The following WASL variants were observed in gnomAD, a reference collection of about 807,000 sequenced individuals.
WASL encodes the protein WASP like actin nucleation promoting factor.
Under a neutral mutation model 55.5 loss-of-function variants are expected in WASL, and 20 were observed. That is an observed-to-expected ratio of 0.36 (90% CI 0.25 to 0.52). The LOEUF (loss-of-function observed/expected upper bound fraction) is 0.52, where lower values mean the gene tolerates loss of function less well. WASL is among the 20% of genes least tolerant of loss of function. The pLI, the probability that WASL is intolerant of heterozygous loss-of-function variation, is 0.92. For missense variants in WASL, 504 were observed against 622.5 expected (o/e 0.81, Z 2.03); for synonymous variants, 249 against 217.6 (o/e 1.14, Z -1.27).
intron 1 of WASL, among the ~76,000 whole-genome samples, chr7:123,715,010 T>G (rs1460315092): frequency 6.6e-6 from 1 of 152,094 alleles, no homozygotes; most frequent in Non-Finnish European, 1.5e-5. Context: ...AAGAGTGGCA[T>G]GGATTGAAGA....
Position 123,726,365 on chromosome 7 carries a change from T to C in WASL, c.118-17142A>G, listed in dbSNP as rs146408572. Among the ~76,000 whole-genome samples, 244 of 152,286 alleles carry C rather than the reference T, an allele frequency of 1.6e-3. 3 individuals carry two copies. The highest frequency in any genetic ancestry group is 0.01 in the Middle Eastern group (3 of 294). ...CTCATATGACCTTTTTTGCACTTTATATAACACAAAAAATTTGAGATGGAT... is the reference window on the plus strand; with the variant it reads ...CTCATATGACCTTTTTTGCACTTTACATAACACAAAAAATTTGAGATGGAT... On this transcript the variant is annotated intron_variant, in intron 1 of 10. Transcript: ENST00000223023.
rs914985832 is a variant in WASL at position 123,748,483 on chromosome 7, C to G, written c.117+135G>C. ...CAGGGCGAGGGCGCCGACGAGGGGC[C>G]GGGGCCGGGGCCGGGGCTGGCGGGA... On this transcript the variant is annotated intron_variant, in intron 1 of 10. Coordinates refer to ENST00000223023, the MANE Select transcript of WASL (RefSeq NM_003941.4). 2.9e-5 allele frequency: 23 copies of G among 797,362 alleles called. No homozygotes were observed. The African/African-American group carries it at 4.3e-4, about 15-fold the overall frequency. The allele number at this position is 797,362 out of a possible 1,614,324, so 49.4% of individuals were successfully genotyped here. A position where few individuals can be genotyped will look rare whatever the true frequency, so the allele number is the denominator to read the frequency against.
At chr7:123,705,634 G>C (rs1413619241) in intron 4 of WASL, among the ~76,000 whole-genome samples, 1 of 152,068 alleles carries the variant, frequency 6.6e-6, no homozygotes, top group African/African-American at 2.4e-5. Context: ...GAAACACCTG[G>C]TTCACTGTTG....
At chr7:123,730,317 T>C (rs936652351) in intron 1 of WASL, among the ~76,000 whole-genome samples, 2 of 152,194 alleles carry the variant, frequency 1.3e-5, no homozygotes, top group Admixed American at 1.3e-4. Context: ...TCTTTTTAAT[T>C]GATCTCATAG....
chr7:123,729,445 A>AT (rs1481264444), intron 1 of WASL, among the ~76,000 whole-genome samples: 1 of 152,166 alleles, frequency 6.6e-6, no homozygotes, highest in East Asian at 1.9e-4. Flanking sequence ...AAGACACAGT[A>AT]TTTTTTAAGT....
At chr7:123,701,514 G>A (rs1803589373) in intron 5 of WASL, among the ~76,000 whole-genome samples, 1 of 152,200 alleles carries the variant, frequency 6.6e-6, no homozygotes, top group Admixed American at 6.5e-5. Flanking sequence ...ATGTGAGACT[G>A]ACCAATAAAG....
chr7:123,698,950 C>A (rs527843454), intron 5 of WASL, among the ~76,000 whole-genome samples: 3 of 152,292 alleles, frequency 2.0e-5, no homozygotes, highest in African/African-American at 7.2e-5. Flanking sequence ...CTCATTCTTC[C>A]CTTTCTGCCC....
rs902663089 is a variant in WASL, at chr7:123,708,413, T to C, written c.252+676A>G. Reference sequence around the variant, plus strand: ...TGTAATTAAAATCTCATTGCACTTATTGCCACATATAAATATTAATCATGG... The same window carrying C: ...TGTAATTAAAATCTCATTGCACTTACTGCCACATATAAATATTAATCATGG... On this transcript the variant is annotated intron_variant, in intron 2 of 10. Coordinates refer to ENST00000223023, the MANE Select transcript of WASL (RefSeq NM_003941.4). Among the ~76,000 whole-genome samples the C allele has an allele frequency of 4.6e-5, 7 of 152,294 alleles. No individual in the cohort carries two copies. In the South Asian group the frequency reaches 1.4e-3, roughly 32 times the overall value.
At chr7:123,720,870 T>C in intron 1 of WASL, among the ~76,000 whole-genome samples, 1 of 151,604 alleles carries the variant, frequency 6.6e-6, no homozygotes, top group South Asian at 2.1e-4. Context: ...TTAAAATATA[T>C]ACACGTTAAA....
At chr7:123,738,631 C>T (rs957093340) in intron 1 of WASL, among the ~76,000 whole-genome samples, 26 of 152,166 alleles carry the variant, frequency 1.7e-4, no homozygotes, top group African/African-American at 6.0e-4. Context: ...TATCGTGAAC[C>T]TGGACAATTG....
chr7:123,722,392 T>G (rs1428583169), intron 1 of WASL, among the ~76,000 whole-genome samples: 1 of 152,244 alleles, frequency 6.6e-6, no homozygotes, highest in Non-Finnish European at 1.5e-5. Flanking sequence ...AATGTCTGGC[T>G]AACCTAGAGA....
intron 1 of WASL, among the ~76,000 whole-genome samples, chr7:123,711,933 C>T (rs911319800): frequency 6.6e-6 from 1 of 152,082 alleles, no homozygotes; most frequent in Non-Finnish European, 1.5e-5. Flanking sequence ...CTTGTGTATT[C>T]CTGATACTTC....
intron 6 of WASL, 84 bp downstream of exon 6, chr7:123,696,495 G>A: frequency 3.0e-6 from 4 of 1,342,428 alleles, no homozygotes; most frequent in Non-Finnish European, 3.9e-6. Context: ...GAAAAGAGAA[G>A]AAAATTTTCT....
chr7:123,732,863 T>G (rs1182034757), intron 1 of WASL, among the ~76,000 whole-genome samples: 4 of 152,178 alleles, frequency 2.6e-5, no homozygotes, highest in African/African-American at 9.7e-5. Context: ...TTATTCTAGG[T>G]ATGCAAGGTT....
At chr7:123,741,842 G>A (rs569694877) in intron 1 of WASL, among the ~76,000 whole-genome samples, 4 of 152,056 alleles carry the variant, frequency 2.6e-5, no homozygotes, top group East Asian at 1.9e-4. Flanking sequence ...AATAGAACCC[G>A]GCTCCTCTGT....
intron 5 of WASL, among the ~76,000 whole-genome samples, chr7:123,697,541 G>A (rs1803512625): frequency 6.6e-6 from 1 of 152,092 alleles, no homozygotes; most frequent in Non-Finnish European, 1.5e-5. Context: ...CAACTAAAGG[G>A]CAACACATGT....
chr7:123,722,436 ATTAT>A (rs1260460302), intron 1 of WASL, among the ~76,000 whole-genome samples: 2 of 152,230 alleles, frequency 1.3e-5, no homozygotes, highest in African/African-American at 4.8e-5. Flanking sequence ...TCAATTAACA[ATTAT>A]TTATTATCTT....
chr7:123,721,250 A>C (rs529135414), intron 1 of WASL, among the ~76,000 whole-genome samples: 1 of 152,352 alleles, frequency 6.6e-6, no homozygotes, highest in African/African-American at 2.4e-5. Flanking sequence ...ATGATCTAAT[A>C]AGCATTTAAG....
chr7:123,692,707 C>T lies in WASL; in HGVS notation c.987G>A (p.Arg329=), dbSNP rs1202540025. The part of the protein sequence containing the change: ...TAAPPPPPPS[R]PSVAVPPPPP... ...GTGGTGGAGGGACTGCTACACTTGG[C>T]CTGGAAGGAGGCGGTGGTGGAGGTG... Residue 329 remains arginine (R), a synonymous_variant, in exon 9 of 11, where the codon AGG becomes AGA. Coordinates refer to ENST00000223023, the MANE Select transcript of WASL (RefSeq NM_003941.4). 3.3e-6 allele frequency: 5 copies of T among 1,515,478 alleles called. No homozygotes were observed. Among genetic ancestry groups the T allele is most frequent in the South Asian group, 2.7e-5 (2 of 74,002 alleles). 93.9% of individuals were successfully genotyped at this position (1,515,478 alleles called of 1,614,324 possible). A position where few individuals can be genotyped will look rare whatever the true frequency, so the allele number is the denominator to read the frequency against.
Sources: allele counts gnomAD v4.1 joint callset (sites outside exome capture counted in the v4.1 genomes callset), GRCh38; gene constraint gnomAD v4.1.1; transcripts MANE v1.5; gene names NCBI Gene and HGNC (gene_info 2026-07-23, HGNC 2026-07-21).